Variants in LRBA observed in about 807,000 individuals in gnomAD.
LRBA encodes the protein LPS responsive beige-like anchor protein.
A neutral mutation model predicts 330.0 loss-of-function variants in LRBA; 176 were observed. The observed-to-expected ratio is 0.53, with a 90% CI of 0.47 to 0.60. LRBA has a LOEUF of 0.60. LRBA is among the 20% of genes least tolerant of loss of function. LRBA has a pLI of 0.00. For synonymous variants in LRBA, 1,230 were observed against 1,193.0 expected, an observed-to-expected ratio of 1.03 and a Z score of -0.64; for missense variants, 3,259 against 3,444.8, an observed-to-expected ratio of 0.95 and a Z score of 1.35.
At chr4:150,595,052 C>T (rs1773333843) in intron 38 of LRBA, among the ~76,000 whole-genome samples, 1 of 151,892 alleles carries the variant, frequency 6.6e-6, no homozygotes, top group Non-Finnish European at 1.5e-5. Context: ...AACAGAGTGC[C>T]TTCAAACATA....
chr4:150,423,451 CG>C (rs1451525724), intron 46 of LRBA: 2 of 589,730 alleles, frequency 3.4e-6, no homozygotes, highest in Non-Finnish European at 6.1e-6. Flanking sequence ...CTGTTGCCAG[CG>C]GGCCCCATTT....
intron 35 of LRBA, among the ~76,000 whole-genome samples, chr4:150,761,352 T>C (rs1241302095): frequency 6.6e-6 from 1 of 152,212 alleles, no homozygotes; most frequent in South Asian, 2.1e-4. Context: ...TTATTTCCTC[T>C]ATCACCTTTC....
chr4:150,554,157 G>C (rs1313150327), intron 40 of LRBA, among the ~76,000 whole-genome samples: 1 of 152,206 alleles, frequency 6.6e-6, no homozygotes, highest in African/African-American at 2.4e-5. Flanking sequence ...ATAAGCAAGA[G>C]CCTCCTCTCC....
chr4:150,480,407 A>G (rs1364264147), intron 42 of LRBA, among the ~76,000 whole-genome samples: 1 of 152,106 alleles, frequency 6.6e-6, no homozygotes, highest in Non-Finnish European at 1.5e-5. Context: ...TTAATTAAAT[A>G]TAGTTACAAA....
chr4:150,763,937 T>C (rs766385121), intron 34 of LRBA, among the ~76,000 whole-genome samples: 2 of 151,950 alleles, frequency 1.3e-5, no homozygotes, highest in Non-Finnish European at 2.9e-5. Context: ...CTTCAAGAGA[T>C]GCCACAGCCA....
At chr4:150,901,234 G>A (rs759404606) in intron 13 of LRBA, among the ~76,000 whole-genome samples, 3 of 152,092 alleles carry the variant, frequency 2.0e-5, no homozygotes, top group African/African-American at 7.2e-5. Flanking sequence ...AGGAGGTAGA[G>A]AGTGCAGTAA....
At chr4:150,402,679 TACTC>T (rs1174082215) in intron 47 of LRBA, among the ~76,000 whole-genome samples, 32 of 152,242 alleles carry the variant, frequency 2.1e-4, no homozygotes, top group African/African-American at 2.6e-4. Context: ...ATTTATATAA[TACTC>T]ACACAACTAT....
intron 36 of LRBA, among the ~76,000 whole-genome samples, chr4:150,697,582 AT>A (rs1028848221): frequency 1.3e-5 from 2 of 151,116 alleles, no homozygotes; most frequent in African/African-American, 2.4e-5. Context: ...TAACTAATAC[AT>A]TTTTTTTACC....
rs888955229 is a variant in LRBA at position 150,438,902 on chromosome 4, C to A, written c.6781-2038G>T. Among the ~76,000 whole-genome samples, 6 of 151,996 alleles carry A rather than the reference C, an allele frequency of 3.9e-5. No individual in the cohort carries two copies. The East Asian group carries it at 1.2e-3, about 29-fold the overall frequency. ...CCTTTACAAGCAAAATTTTAAAAAT[C>A]TTTAATTACCATTTTAAGTCAGTTT... On this transcript the variant is annotated intron_variant, in intron 44 of 56. Coordinates refer to ENST00000651943, the MANE Select transcript of LRBA (RefSeq NM_001364905.1).
intron 44 of LRBA, among the ~76,000 whole-genome samples, chr4:150,465,243 T>C (rs960158488): frequency 6.6e-6 from 1 of 152,122 alleles, no homozygotes; most frequent in Non-Finnish European, 1.5e-5. Context: ...TCCTTCCTTT[T>C]TAAGGCTGAA....
intron 15 of LRBA, 32 bp downstream of exon 15, chr4:150,897,706 CG>C: frequency 6.9e-7 from 1 of 1,439,328 alleles, no homozygotes; most frequent in Non-Finnish European, 9.8e-7. Flanking sequence ...CTTCAATACA[CG>C]GTATGCTATG....
At chr4:150,673,208 A>T (rs1220224448) in intron 37 of LRBA, among the ~76,000 whole-genome samples, 1 of 152,226 alleles carries the variant, frequency 6.6e-6, no homozygotes, top group Non-Finnish European at 1.5e-5. Flanking sequence ...ATTTTGAAGG[A>T]AAGTATACAT....
At chr4:150,282,783 C>T (rs1419520542) in intron 54 of LRBA, 137 bp from the exon 55 acceptor site, 4 of 617,406 alleles carry the variant, frequency 6.5e-6, no homozygotes, top group Admixed American at 3.3e-5. Flanking sequence ...TTCCATCTTA[C>T]GTGTAAGTTA....
chr4:150,631,339 A>G (rs988727703), intron 37 of LRBA, among the ~76,000 whole-genome samples: 6 of 152,122 alleles, frequency 3.9e-5, no homozygotes, highest in African/African-American at 1.4e-4. Flanking sequence ...TATGTAGTAC[A>G]CCAAAAAAGG....
intron 47 of LRBA, among the ~76,000 whole-genome samples, chr4:150,383,965 T>G (rs937473801): frequency 6.6e-6 from 1 of 152,164 alleles, no homozygotes. Context: ...ATTCAAATTA[T>G]TATAATATTC....
chr4:150,416,679 T>C (rs751109369), intron 46 of LRBA, among the ~76,000 whole-genome samples: 29 of 150,854 alleles, frequency 1.9e-4, no homozygotes, highest in Non-Finnish European at 3.8e-4. Flanking sequence ...ATAAATAAAA[T>C]TAGATTATAA....
intron 51 of LRBA, among the ~76,000 whole-genome samples, chr4:150,312,713 T>C (rs1731218364): frequency 1.3e-5 from 2 of 152,162 alleles, no homozygotes; most frequent in Non-Finnish European, 2.9e-5. Context: ...GTTTTAATGA[T>C]AGACTGTTAA....
chr4:151,015,700 C>T (rs1745340314), upstream of LRBA: 1 of 151,982 alleles, frequency 6.6e-6, no homozygotes, highest in African/African-American at 2.4e-5. Context: ...TGAAGCTGCT[C>T]CCGGCCGCCA....
chr4:150,573,404 A>G (rs1224186930), intron 40 of LRBA, among the ~76,000 whole-genome samples: 1 of 152,300 alleles, frequency 6.6e-6, no homozygotes, highest in Admixed American at 6.5e-5. Flanking sequence ...AGTGCCCATC[A>G]ACAACTCCTT....
Sources: allele counts gnomAD v4.1 joint callset (sites outside exome capture counted in the v4.1 genomes callset), GRCh38; gene constraint gnomAD v4.1.1; transcripts MANE v1.5; gene names NCBI Gene and HGNC (gene_info 2026-07-23, HGNC 2026-07-21).